SSPN: variants seen among roughly 807,000 people sequenced by gnomAD.
SSPN encodes the protein K-ras oncogene-associated protein.
SSPN carries 15 observed loss-of-function variants against 19.1 expected under a neutral mutation model. The ratio of observed to expected loss-of-function variants is 0.78; its 90% CI spans 0.52 to 1.21. The LOEUF (loss-of-function observed/expected upper bound fraction) is 1.21, where lower values mean the gene tolerates loss of function less well. Among genes scored for constraint, SSPN ranks in the 50% most tolerant of loss-of-function variants. The pLI, the probability that SSPN is intolerant of heterozygous loss-of-function variation, is 0.00. For synonymous variants in SSPN, 147 were observed against 140.3 expected (o/e 1.05, Z -0.34); for missense variants, 291 against 314.0 (o/e 0.93, Z 0.55).
At chr12:26,123,572 C>G in intron 1 of SSPN, 1 of 1,219,622 alleles carries the variant, frequency 8.2e-7, no homozygotes, top group Non-Finnish European at 1.2e-6. Context: ...CCTGACACTG[C>G]TCCCCTGTGG....
intron 1 of SSPN, among the ~76,000 whole-genome samples, chr12:26,137,648 ATATATATATTTTTT>A (rs1385996560): frequency 2.4e-5 from 1 of 42,284 alleles, no homozygotes; most frequent in African/African-American, 1.0e-4. Flanking sequence ...ATATATATAT[ATATATATATTTTTT>A]TTTTTTTTTT....
rs535820464 is a variant in SSPN at position 26,224,062 on chromosome 12, T to C, written c.280-231T>C. Among the ~76,000 whole-genome samples, 13 of 152,344 alleles carry C rather than the reference T, an allele frequency of 8.5e-5. No individual in the cohort carries two copies. In the South Asian group the frequency reaches 2.3e-3, roughly 27 times the overall value. On this transcript the variant is annotated intron_variant, in intron 1 of 2. Coordinates refer to ENST00000242729, the MANE Select transcript of SSPN (RefSeq NM_005086.5). ...ACTCTGAAGGATCTTGTATAGCACC[T>C]GGCATATCAAAAGAACTTAGTAAAT...
intron 1 of SSPN, chr12:26,124,562 T>A (rs746294892): frequency 1.2e-6 from 2 of 1,614,016 alleles, no homozygotes; most frequent in African/African-American, 2.7e-5. Flanking sequence ...TTTACACATA[T>A]ACAAAGAGGA....
At chr12:26,201,027 AT>A (rs1197422342) in intron 1 of SSPN, among the ~76,000 whole-genome samples, 1 of 39,444 alleles carries the variant, frequency 2.5e-5, no homozygotes, top group African/African-American at 1.8e-4. Context: ...ATATATATAT[AT>A]ATATATATAT....
intron 1 of SSPN, among the ~76,000 whole-genome samples, chr12:26,201,022 TATATATATATATATATATATATATTA>T (rs1373049758): frequency 2.9e-5 from 1 of 34,688 alleles, no homozygotes; most frequent in Non-Finnish European, 4.5e-5. Context: ...TATATATATA[TATATATATATATATATATATATATTA>T]TATATATATA....
intron 1 of SSPN, among the ~76,000 whole-genome samples, chr12:26,208,021 G>GGC (rs1555180112): frequency 1.1e-5 from 1 of 95,064 alleles, no homozygotes; most frequent in Non-Finnish European, 2.4e-5. Context: ...GTGGTGGTGG[G>GGC]GGGGGGGGAT....
intron 1 of SSPN, among the ~76,000 whole-genome samples, chr12:26,141,632 CTG>C (rs1944461051): frequency 6.6e-6 from 1 of 152,160 alleles, no homozygotes; most frequent in Non-Finnish European, 1.5e-5. Flanking sequence ...ACTTTTTACT[CTG>C]TGCTTTATTT....
intron 1 of SSPN, among the ~76,000 whole-genome samples, chr12:26,209,945 T>C (rs950490522): frequency 1.3e-5 from 2 of 152,026 alleles, no homozygotes; most frequent in African/African-American, 4.8e-5. Context: ...GATAACTTGA[T>C]ATAGCCTATT....
chr12:26,137,676 T>A (rs1445174666), intron 1 of SSPN, among the ~76,000 whole-genome samples: 5 of 110,508 alleles, frequency 4.5e-5, no homozygotes, highest in Non-Finnish European at 8.6e-5. Context: ...TTTTTTTTTT[T>A]TTTTTTGAGA....
chr12:26,220,655 C>T (rs890566309), intron 1 of SSPN, among the ~76,000 whole-genome samples: 2 of 152,142 alleles, frequency 1.3e-5, no homozygotes, highest in African/African-American at 2.4e-5. Context: ...ACCCAGGCCT[C>T]GTTCCTGAGC....
chr12:26,146,504 A>C (rs1306508100), intron 1 of SSPN, among the ~76,000 whole-genome samples: 2 of 152,188 alleles, frequency 1.3e-5, no homozygotes, highest in Non-Finnish European at 2.9e-5. Context: ...CTTTAGCATT[A>C]GTAGGAACAA....
chr12:26,122,309 G>C (rs1944315630), intron 1 of SSPN: 2 of 1,175,058 alleles, frequency 1.7e-6, no homozygotes, highest in Middle Eastern at 3.4e-4. Context: ...CAGCGGCGGC[G>C]GCGGCTGCCG....
At chr12:26,146,566 C>G (rs1320792892) in intron 1 of SSPN, among the ~76,000 whole-genome samples, 3 of 152,116 alleles carry the variant, frequency 2.0e-5, no homozygotes, top group Non-Finnish European at 4.4e-5. Flanking sequence ...TTGAGTGATC[C>G]TTCAAACCTT....
chr12:26,153,571 A>T (rs370017130), intron 1 of SSPN, among the ~76,000 whole-genome samples: 3 of 152,224 alleles, frequency 2.0e-5, no homozygotes, highest in African/African-American at 4.8e-5. Flanking sequence ...GTGTGCATAA[A>T]TGAATAATGA....
upstream of SSPN, among the ~76,000 whole-genome samples, chr12:26,193,546 C>T (rs1944801754): frequency 6.6e-6 from 1 of 152,034 alleles, no homozygotes; most frequent in Admixed American, 6.5e-5. Flanking sequence ...AAATATTTAC[C>T]ATATTTCCAT....
intron 1 of SSPN, among the ~76,000 whole-genome samples, chr12:26,143,443 G>GA (rs1944472169): frequency 6.6e-6 from 1 of 152,164 alleles, no homozygotes; most frequent in African/African-American, 2.4e-5. Context: ...AGGAATCTCA[G>GA]AGAGGCTAAG....
chr12:26,146,872 T>C (rs902975093), intron 1 of SSPN, among the ~76,000 whole-genome samples: 2 of 150,622 alleles, frequency 1.3e-5, no homozygotes, highest in Admixed American at 6.6e-5. Context: ...CAATAAGCTT[T>C]AAACTTTAAG....
chr12:26,231,745 G>A lies in SSPN; in HGVS notation c.*669G>A, dbSNP rs78030178. Reference sequence around the variant, plus strand: ...CACTTGCCAAATGCTTTAGATGATTGCCTCTCAATAATTGAAAGGTGGTGG... The same window carrying A: ...CACTTGCCAAATGCTTTAGATGATTACCTCTCAATAATTGAAAGGTGGTGG... On this transcript the variant is annotated 3_prime_UTR_variant, in exon 3 of 3. Coordinates refer to ENST00000242729, the MANE Select transcript of SSPN (RefSeq NM_005086.5). 1,256 of 217,416 alleles carry A rather than the reference G, an allele frequency of 5.8e-3. 18 individuals carry two copies. Among genetic ancestry groups the A allele is most frequent in the African/African-American group, 0.027 (1,175 of 42,762 alleles). 13.5% of individuals were successfully genotyped at this position (217,416 alleles called of 1,614,324 possible).
intron 1 of SSPN, among the ~76,000 whole-genome samples, chr12:26,178,597 TG>T (rs1308513009): frequency 1.3e-5 from 2 of 151,834 alleles, no homozygotes; most frequent in East Asian, 3.9e-4. Context: ...AGTTGAAATT[TG>T]GGGGGCAGAG....
Sources: allele counts gnomAD v4.1 joint callset (sites outside exome capture counted in the v4.1 genomes callset), GRCh38; gene constraint gnomAD v4.1.1; transcripts MANE v1.5; gene names NCBI Gene and HGNC (gene_info 2026-07-23, HGNC 2026-07-21).